Variants in ZBTB16 observed in about 807,000 individuals in gnomAD.
ZBTB16 encodes the protein zinc finger and BTB domain-containing protein 16.
ZBTB16 carries 8 observed loss-of-function variants against 56.8 expected under a neutral mutation model. The ratio of observed to expected loss-of-function variants is 0.14; its 90% CI spans 0.08 to 0.25. The LOEUF (loss-of-function observed/expected upper bound fraction) is 0.25, where lower values mean the gene tolerates loss of function less well. Among genes scored for constraint, ZBTB16 ranks in the 10% least tolerant of loss-of-function variants. The probability of loss-of-function intolerance (pLI) is 1.00; values close to 1 mark genes in which losing one functional copy is unlikely to be tolerated. For missense variants in ZBTB16, 625 were observed against 903.0 expected (o/e 0.69, Z 3.95); for synonymous variants, 363 against 368.5 (o/e 0.98, Z 0.17).
chr11:114,094,961 G>T (rs1252772337), intron 2 of ZBTB16, among the ~76,000 whole-genome samples: 1 of 152,224 alleles, frequency 6.6e-6, no homozygotes, highest in Non-Finnish European at 1.5e-5. Context: ...TTCGCACTGG[G>T]CTGCAGGTCA....
chr11:114,128,660 T>C (rs1210147110), intron 2 of ZBTB16, among the ~76,000 whole-genome samples: 4 of 152,184 alleles, frequency 2.6e-5, no homozygotes, highest in Non-Finnish European at 2.9e-5. Flanking sequence ...TGGGTGTGTT[T>C]GGAGGAGACT....
chr11:114,189,461 A>G (rs947331336), intron 4 of ZBTB16: 1 of 152,220 alleles, frequency 6.6e-6, no homozygotes, highest in Non-Finnish European at 1.5e-5. Context: ...GAAAAACCAG[A>G]ACTCTCATGG....
intron 2 of ZBTB16, among the ~76,000 whole-genome samples, chr11:114,103,151 G>A (rs1374451928): frequency 6.6e-6 from 1 of 152,232 alleles, no homozygotes; most frequent in Admixed American, 6.5e-5. Flanking sequence ...GACTGTAAGG[G>A]CTGAGGGAGC....
At chr11:114,070,253 C>T (rs1479809749) in intron 2 of ZBTB16, among the ~76,000 whole-genome samples, 3 of 151,288 alleles carry the variant, frequency 2.0e-5, no homozygotes, top group East Asian at 1.9e-4. Flanking sequence ...GGACTACAGG[C>T]GCCCGCCACC....
intron 3 of ZBTB16, among the ~76,000 whole-genome samples, chr11:114,166,762 T>C (rs995568647): frequency 9.9e-5 from 15 of 152,180 alleles, no homozygotes; most frequent in African/African-American, 3.4e-4. Flanking sequence ...TTTTGTGTGA[T>C]GGATGTGAAC....
chr11:114,087,130 G>T (rs1939983002), intron 2 of ZBTB16, among the ~76,000 whole-genome samples: 1 of 152,156 alleles, frequency 6.6e-6, no homozygotes, highest in Non-Finnish European at 1.5e-5. Flanking sequence ...TTCATCATCT[G>T]CAAAATGCTG....
Position 114,253,278 on chromosome 11 carries a change from C to T in ZBTB16, c.*2723C>T, listed in dbSNP as rs551916926. Among the ~76,000 whole-genome samples, 11 of 152,174 alleles carry T rather than the reference C, an allele frequency of 7.2e-5. No homozygotes were observed. The South Asian group carries it at 8.3e-4, about 11-fold the overall frequency. ...TTCCCACTCAGCCTGGGCCCCTCCCCGCTCCATTCATAAAAGCTGAGAGGG... is the reference window on the plus strand; with the variant it reads ...TTCCCACTCAGCCTGGGCCCCTCCCTGCTCCATTCATAAAAGCTGAGAGGG... On this transcript the variant is annotated 3_prime_UTR_variant, in exon 7 of 7. Coordinates refer to ENST00000335953, the MANE Select transcript of ZBTB16 (RefSeq NM_006006.6).
chr11:114,165,314 C>A (rs1942717680), intron 3 of ZBTB16, among the ~76,000 whole-genome samples: 2 of 152,282 alleles, frequency 1.3e-5, no homozygotes, highest in Non-Finnish European at 1.5e-5. Context: ...TTTCCCAGGT[C>A]CCTGGATGTT....
At chr11:114,155,889 A>G (rs1942396020) in intron 2 of ZBTB16, among the ~76,000 whole-genome samples, 1 of 152,112 alleles carries the variant, frequency 6.6e-6, no homozygotes, top group Non-Finnish European at 1.5e-5. Flanking sequence ...GGAGAGAGAA[A>G]AGATACAGGT....
intron 4 of ZBTB16, among the ~76,000 whole-genome samples, chr11:114,241,532 G>A (rs1317384144): frequency 1.3e-5 from 2 of 152,336 alleles, no homozygotes; most frequent in East Asian, 1.9e-4. Context: ...AATGATAAAT[G>A]TAATGTGCTT....
chr11:114,101,325 T>C (rs1940602910), intron 2 of ZBTB16, among the ~76,000 whole-genome samples: 1 of 152,098 alleles, frequency 6.6e-6, no homozygotes, highest in African/African-American at 2.4e-5. Context: ...TTTTTGTTTG[T>C]TTGTTTGTTT....
At chr11:114,092,001 C>T (rs546663549) in intron 2 of ZBTB16, among the ~76,000 whole-genome samples, 25 of 152,302 alleles carry the variant, frequency 1.6e-4, no homozygotes, top group Non-Finnish European at 2.4e-4. Context: ...TGCTGCCCCT[C>T]GGTGCCCAGT....
At chr11:114,092,450 C>T (rs564874810) in intron 2 of ZBTB16, among the ~76,000 whole-genome samples, 9 of 152,312 alleles carry the variant, frequency 5.9e-5, no homozygotes, top group African/African-American at 2.2e-4. Context: ...AGTGATTCCT[C>T]TCTTCTTGTG....
chr11:114,227,255 C>G lies in ZBTB16; in HGVS notation c.1454-14912C>G, dbSNP rs540684753. 2.3e-3 allele frequency among the ~76,000 whole-genome samples: 346 copies of G among 150,888 alleles called. 1 individual carries two copies. The highest frequency in any genetic ancestry group is 7.9e-3 in the African/African-American group (328 of 41,448). On this transcript the variant is annotated intron_variant, in intron 4 of 6. Coordinates refer to ENST00000335953, the MANE Select transcript of ZBTB16 (RefSeq NM_006006.6). ...ACCCCCAGTATTGCACATCAGGTAT[C>G]CCCCACCTGTGTGCACCATGCACAC...
At chr11:114,195,676 C>T (rs1167364055) in intron 4 of ZBTB16, among the ~76,000 whole-genome samples, 1 of 152,120 alleles carries the variant, frequency 6.6e-6, no homozygotes, top group East Asian at 1.9e-4. Flanking sequence ...ATCTAGATTC[C>T]AATTCCAGCC....
chr11:114,159,575 A>G (rs1259308617), intron 3 of ZBTB16, among the ~76,000 whole-genome samples: 2 of 152,046 alleles, frequency 1.3e-5, no homozygotes, highest in Non-Finnish European at 2.9e-5. Context: ...AGGCTAGACC[A>G]TTTCCTGAAT....
intron 4 of ZBTB16, among the ~76,000 whole-genome samples, chr11:114,213,172 C>G (rs1471842415): frequency 6.6e-6 from 1 of 152,066 alleles, no homozygotes; most frequent in Non-Finnish European, 1.5e-5. Context: ...TCCCTCTTAA[C>G]TCTCACCCAG....
At chr11:114,248,946 A>C (rs1944865116) in intron 6 of ZBTB16, among the ~76,000 whole-genome samples, 2 of 151,896 alleles carry the variant, frequency 1.3e-5, no homozygotes, top group Non-Finnish European at 2.9e-5. Flanking sequence ...TGCGCGGGGG[A>C]GTATTGATAG....
intron 2 of ZBTB16, among the ~76,000 whole-genome samples, chr11:114,133,235 G>A (rs1012608958): frequency 7.9e-5 from 12 of 152,050 alleles, no homozygotes; most frequent in Admixed American, 5.2e-4. Flanking sequence ...TGTGGGGGGT[G>A]CAGTTTTCAA....
Sources: gnomAD v4.1 joint callset for allele counts (sites outside exome capture counted in the v4.1 genomes callset) on GRCh38, gnomAD v4.1.1 for gene constraint, MANE v1.5 for transcripts, NCBI Gene and HGNC (gene_info 2026-07-23, HGNC 2026-07-21) for gene names.